The following THOC1 variants were observed in gnomAD, a reference collection of about 807,000 sequenced individuals.
The protein encoded by THOC1 is THO complex 1.
THOC1 carries 29 observed loss-of-function variants against 97.3 expected under a neutral mutation model. That is an observed-to-expected ratio of 0.30 (90% CI 0.22 to 0.41). The LOEUF (loss-of-function observed/expected upper bound fraction) is 0.41. Ranked by LOEUF, THOC1 falls within the 10% of genes least tolerant of loss-of-function variation. The pLI, the probability that THOC1 is intolerant of heterozygous loss-of-function variation, is 1.00. For synonymous variants in THOC1, 255 were observed against 257.0 expected, an observed-to-expected ratio of 0.99 and a Z score of 0.07; for missense variants, 529 against 761.9, an observed-to-expected ratio of 0.69 and a Z score of 3.60.
intron 9 of THOC1, 54 bp from the exon 10 acceptor site, chr18:248,011 C>G: frequency 8.6e-7 from 1 of 1,164,682 alleles, no homozygotes. Context: ...TTACAAATAT[C>G]TAAATATTCT....
At chr18:237,869 C>T (rs1911762536) in intron 11 of THOC1, among the ~76,000 whole-genome samples, 1 of 150,880 alleles carries the variant, frequency 6.6e-6, no homozygotes, top group South Asian at 2.1e-4. Flanking sequence ...AATAGTATTC[C>T]TTTTTTTTTC....
intron 12 of THOC1, chr18:226,119 T>G (rs960837318): frequency 6.6e-6 from 1 of 152,194 alleles, no homozygotes; most frequent in Non-Finnish European, 1.5e-5. Flanking sequence ...ATTTTTTGAG[T>G]GTTTACCATG....
chr18:215,653 A>C, intron 19 of THOC1, 149 bp from the exon 20 acceptor site: 1 of 620,052 alleles, frequency 1.6e-6, no homozygotes. Flanking sequence ...GTGTCAGGTA[A>C]GGATCCTAAG....
At chr18:252,965 T>C (rs1420246658) in intron 8 of THOC1, among the ~76,000 whole-genome samples, 1 of 152,236 alleles carries the variant, frequency 6.6e-6, no homozygotes, top group Non-Finnish European at 1.5e-5. Context: ...CATGAATAGC[T>C]AATTCACAGA....
intron 1 of THOC1, among the ~76,000 whole-genome samples, chr18:266,794 C>T (rs981697109): frequency 5.3e-5 from 8 of 152,296 alleles, no homozygotes; most frequent in Non-Finnish European, 7.4e-5. Flanking sequence ...GCCTCGGCCT[C>T]CCGAAGTACT....
In THOC1 at chr18:241,028, C is replaced by T. The variant is rs370111331; in HGVS notation, c.918+5296G>A. Among the ~76,000 whole-genome samples, 20 of 152,214 alleles carry T rather than the reference C, an allele frequency of 1.3e-4. No homozygotes were observed. The East Asian group carries it at 3.5e-3, about 26-fold the overall frequency. On this transcript the variant is annotated intron_variant, in intron 11 of 20. Transcript: ENST00000261600. ...TGCTGATCTGATAGGAGACGGAGCTCAGGTGGTAATATGAGTGATGGAGAG... is the reference window on the plus strand; with the variant it reads ...TGCTGATCTGATAGGAGACGGAGCTTAGGTGGTAATATGAGTGATGGAGAG...
At chr18:227,043 G>T (rs1911314633) in intron 11 of THOC1, 142 bp from the exon 12 acceptor site, 1 of 666,086 alleles carries the variant, frequency 1.5e-6, no homozygotes, top group African/African-American at 1.8e-5. Flanking sequence ...TGCATGTGAG[G>T]CATTACCGCA....
rs1911947112 is a variant in THOC1 at position 242,606 on chromosome 18, T to C, written c.918+3718A>G. The stretch of plus-strand genomic sequence containing the variant: ...TACAGAGATGAAAGATCTAACCTTG[T>C]AATGACAAGCACTTTTCTAAACCTG... On this transcript the variant is annotated intron_variant, in intron 11 of 20. Transcript: ENST00000261600. This position sits in a 1 kb window ranked among gnomAD's most constrained non-coding sequence, Gnocchi z 4.5. 6.6e-6 allele frequency among the ~76,000 whole-genome samples: 1 copy of C among 152,206 alleles called. No homozygotes were observed. The highest frequency in any genetic ancestry group is 1.5e-5 in the Non-Finnish European group (1 of 68,030).
chr18:231,907 T>C (rs1348272869), intron 11 of THOC1, among the ~76,000 whole-genome samples: 2 of 152,252 alleles, frequency 1.3e-5, no homozygotes, highest in Non-Finnish European at 2.9e-5. Flanking sequence ...GTTTGAAATT[T>C]ACCCATCTTA....
chr18:257,632 G>C (rs1424221980), intron 7 of THOC1, among the ~76,000 whole-genome samples: 5 of 151,966 alleles, frequency 3.3e-5, no homozygotes, highest in African/African-American at 1.2e-4. Flanking sequence ...AAACGTAACA[G>C]CCAATGATAA....
chr18:252,493 GGAGAT>G, intron 9 of THOC1, 41 bp downstream of exon 9: 1 of 1,399,286 alleles, frequency 7.1e-7, no homozygotes, highest in Non-Finnish European at 1.0e-6. Context: ...CAATAAATTA[GGAGAT>G]TATCTCTGTA....
Position 216,535 on chromosome 18 carries a change from A to G in THOC1, c.1553T>C (p.Leu518Ser). 6.2e-7 allele frequency: 1 copy of G among 1,613,986 alleles called. No homozygotes were observed. The highest frequency in any genetic ancestry group is 8.5e-7 in the Non-Finnish European group (1 of 1,179,884). ...TACCATATTTTCAAGATATTCTGGT[A>G]AACTTTTAAACTGCTGGTTGGTTGG... ...FQPTNQQFKS[L>S]PEYLENMVIK... Residue 518 changes from leucine (L) to serine (S), a missense_variant, in exon 19 of 21, where the codon TTA (leucine) becomes TCA (serine). Coordinates refer to ENST00000261600, the MANE Select transcript of THOC1 (RefSeq NM_005131.3).
At chr18:262,455 G>A (rs1912633275) in intron 4 of THOC1, among the ~76,000 whole-genome samples, 2 of 152,166 alleles carry the variant, frequency 1.3e-5, no homozygotes. Context: ...AAATAAAAAT[G>A]CACTATGCCT....
At chr18:234,428 C>T (rs887778159) in intron 11 of THOC1, among the ~76,000 whole-genome samples, 6 of 152,182 alleles carry the variant, frequency 3.9e-5, no homozygotes, top group African/African-American at 1.4e-4. Flanking sequence ...TTTTTAAAAT[C>T]AGTCCTTTAT....
intron 11 of THOC1, among the ~76,000 whole-genome samples, chr18:229,856 C>A (rs1293656589): frequency 2.0e-5 from 3 of 152,032 alleles, no homozygotes; most frequent in African/African-American, 7.2e-5. Flanking sequence ...TCCTCTTCTC[C>A]CTTCATTCTC....
chr18:235,927 C>G (rs1222813770), intron 11 of THOC1, among the ~76,000 whole-genome samples: 1 of 152,168 alleles, frequency 6.6e-6, no homozygotes, highest in African/African-American at 2.4e-5. Context: ...GTTAAAAATA[C>G]ATACTGTAAT....
rs180696670 is a variant in THOC1 at position 262,862 on chromosome 18, T to C, written c.256+1164A>G. ...ACATATATTATTTGAATTAATCAAA[T>C]GAGTATTTTAACCAAATTGGTTAAA... On this transcript the variant is annotated intron_variant, in intron 4 of 20. Coordinates refer to ENST00000261600, the MANE Select transcript of THOC1 (RefSeq NM_005131.3). 3.1e-4 allele frequency among the ~76,000 whole-genome samples: 47 copies of C among 152,350 alleles called. No homozygotes were observed. In the East Asian group the frequency reaches 8.1e-3, roughly 26 times the overall value.
chr18:260,346 G>T, intron 4 of THOC1, 42 bp from the exon 5 acceptor site: 1 of 1,267,132 alleles, frequency 7.9e-7, no homozygotes, highest in Non-Finnish European at 1.1e-6. Context: ...TTAAAAAACT[G>T]TAGAGTAGAA....
At chr18:256,574 G>A (rs540947439) in intron 7 of THOC1, among the ~76,000 whole-genome samples, 1 of 152,342 alleles carries the variant, frequency 6.6e-6, no homozygotes, top group South Asian at 2.1e-4. Context: ...TGAAGATGCT[G>A]CGAACACTGT....
Sources: allele counts gnomAD v4.1 joint callset (sites outside exome capture counted in the v4.1 genomes callset), GRCh38; gene constraint gnomAD v4.1.1; non-coding constraint Gnocchi (gnomAD v3.1); transcripts MANE v1.5; gene names NCBI Gene and HGNC (gene_info 2026-07-23, HGNC 2026-07-21).